The following SHOC2 variants were observed in gnomAD, a reference collection of about 807,000 sequenced individuals.
SHOC2 encodes the protein leucine-rich repeat protein SHOC-2.
Under a neutral mutation model 50.2 loss-of-function variants are expected in SHOC2, and 4 were observed. That is an observed-to-expected ratio of 0.08 (90% CI 0.04 to 0.18). The LOEUF is 0.18. SHOC2 is among the 10% of genes least tolerant of loss of function. The pLI is 1.00. For synonymous variants in SHOC2, 218 were observed against 244.5 expected, an observed-to-expected ratio of 0.89 and a Z score of 1.01; for missense variants, 388 against 669.6, an observed-to-expected ratio of 0.58 and a Z score of 4.64.
At chr10:110,948,059 A>T (rs1847281686) in intron 1 of SHOC2, among the ~76,000 whole-genome samples, 1 of 152,232 alleles carries the variant, frequency 6.6e-6, no homozygotes, top group Admixed American at 6.5e-5. Flanking sequence ...TGGTAACCAG[A>T]AGAGAATGGG....
intron 1 of SHOC2, among the ~76,000 whole-genome samples, chr10:110,940,946 T>G: frequency 1.7e-5 from 1 of 57,932 alleles, no homozygotes; most frequent in Non-Finnish European, 3.4e-5. Context: ...TTTTTTTTTT[T>G]TTGTGACAGG....
chr10:111,006,253 T>C (rs1848464402), intron 5 of SHOC2, among the ~76,000 whole-genome samples: 1 of 152,372 alleles, frequency 6.6e-6, no homozygotes, highest in South Asian at 2.1e-4. Context: ...ATAACAAGTT[T>C]AAATATTACA....
chr10:110,977,222 G>A (rs964293001), intron 2 of SHOC2, among the ~76,000 whole-genome samples: 4 of 151,960 alleles, frequency 2.6e-5, no homozygotes, highest in Non-Finnish European at 5.9e-5. Context: ...TCTCCTGGTT[G>A]TGGGTCATAT....
intron 3 of SHOC2, among the ~76,000 whole-genome samples, chr10:110,993,591 A>G (rs1414450625): frequency 6.6e-6 from 1 of 152,162 alleles, no homozygotes; most frequent in African/African-American, 2.4e-5. Context: ...TAGATCCAAG[A>G]AAGGTGGAGG....
rs375957255 is a variant in SHOC2, at chr10:111,009,766, C to T, written c.1476C>T (p.His492=). 1 of 1,613,294 alleles carries T rather than the reference C, an allele frequency of 6.2e-7. No individual in the cohort carries two copies. The highest frequency in any genetic ancestry group is 8.5e-7 in the Non-Finnish European group (1 of 1,179,508). Residue 492 remains histidine (H), a synonymous_variant, in exon 8 of 9, where the codon CAC becomes CAT. Transcript: ENST00000369452. ...QLTTLPRGIG[H]LTNLTHLGLG... is the part of the protein sequence containing the mutation. ...CCACTCTTCCCAGAGGCATTGGTCACCTTACTAATCTCACACATCTGGGCC... is the reference window on the plus strand; with the variant it reads ...CCACTCTTCCCAGAGGCATTGGTCATCTTACTAATCTCACACATCTGGGCC...
At chr10:110,966,164 G>A (rs1590805678) in intron 2 of SHOC2, among the ~76,000 whole-genome samples, 1 of 151,916 alleles carries the variant, frequency 6.6e-6, no homozygotes, top group East Asian at 1.9e-4. Flanking sequence ...TAAATTTTAG[G>A]TATGACTTGT....
At chr10:110,972,748 A>G (rs1847806841) in intron 2 of SHOC2, among the ~76,000 whole-genome samples, 1 of 152,094 alleles carries the variant, frequency 6.6e-6, no homozygotes, top group Admixed American at 6.6e-5. Flanking sequence ...GAGGTGGGAG[A>G]GTCACCTGAG....
chr10:110,969,263 C>T (rs2134127173), intron 2 of SHOC2, among the ~76,000 whole-genome samples: 1 of 152,264 alleles, frequency 6.6e-6, no homozygotes, highest in Middle Eastern at 3.4e-3. Context: ...CCTTCTTTCT[C>T]CATTTCTAAT....
intron 1 of SHOC2, among the ~76,000 whole-genome samples, chr10:110,956,589 G>A (rs1404363562): frequency 2.0e-5 from 3 of 152,114 alleles, no homozygotes; most frequent in Non-Finnish European, 4.4e-5. Context: ...CCTAAAATAT[G>A]TTGAAATTGT....
intron 5 of SHOC2, among the ~76,000 whole-genome samples, chr10:111,006,886 TTTTTTC>T: frequency 6.6e-6 from 1 of 152,340 alleles, no homozygotes; most frequent in Non-Finnish European, 1.5e-5. Flanking sequence ...GTGGCATACT[TTTTTTC>T]TGTGGACAGC....
chr10:111,004,804 T>C lies in SHOC2; in HGVS notation c.1161+10T>C. 1.9e-6 allele frequency: 3 copies of C among 1,572,310 alleles called. No homozygotes were observed. Among genetic ancestry groups the C allele is most frequent in the Non-Finnish European group, 2.6e-6 (3 of 1,142,690 alleles). On this transcript the variant is annotated intron_variant, in intron 5 of 8. Coordinates refer to ENST00000369452, the MANE Select transcript of SHOC2 (RefSeq NM_007373.4). The stretch of plus-strand genomic sequence containing the variant: ...TAAGCTGAATATGAAGGTAAGCATA[T>C]ATTTGTTTACTAGGGAAAGGAATTG...
At chr10:110,955,363 G>A (rs891605648) in intron 1 of SHOC2, among the ~76,000 whole-genome samples, 1 of 152,198 alleles carries the variant, frequency 6.6e-6, no homozygotes, top group African/African-American at 2.4e-5. Context: ...TAACTCTTAA[G>A]TTTCTTAAGT....
rs777219210 is a variant in SHOC2 at position 110,987,642 on chromosome 10, A to G, written c.841+1877A>G. ...AGAATCAGATTTCTGGTTCAAGATA[A>G]TAAGGACCAAGCACAATTATTTCAT... On this transcript the variant is annotated intron_variant, in intron 3 of 8. Transcript: ENST00000369452. 5.4e-4 allele frequency among the ~76,000 whole-genome samples: 82 copies of G among 152,192 alleles called. 1 individual carries two copies. The highest frequency in any genetic ancestry group is 7.1e-4 in the Non-Finnish European group (48 of 68,026).
At chr10:110,957,485 T>C (rs1847488428) in intron 1 of SHOC2, among the ~76,000 whole-genome samples, 1 of 151,936 alleles carries the variant, frequency 6.6e-6, no homozygotes, top group Non-Finnish European at 1.5e-5. Context: ...TGTGGATAAA[T>C]GTAAATTCTC....
At chr10:110,974,492 A>G (rs1847840088) in intron 2 of SHOC2, among the ~76,000 whole-genome samples, 2 of 152,184 alleles carry the variant, frequency 1.3e-5, no homozygotes, top group South Asian at 4.1e-4. Flanking sequence ...ACCTTTTTCT[A>G]TCTTTTTAAA....
At chr10:110,989,890 C>T (rs894265568) in intron 3 of SHOC2, among the ~76,000 whole-genome samples, 2 of 151,864 alleles carry the variant, frequency 1.3e-5, no homozygotes, top group African/African-American at 4.8e-5. Context: ...GTATAGTGTT[C>T]AGTATAGTAA....
intron 2 of SHOC2, among the ~76,000 whole-genome samples, chr10:110,966,788 A>C (rs1170451742): frequency 6.6e-6 from 1 of 152,176 alleles, no homozygotes; most frequent in Non-Finnish European, 1.5e-5. Flanking sequence ...TGAATTTGTT[A>C]ATGGGCTCCT....
chr10:110,966,181 T>C (rs1411491821), intron 2 of SHOC2, among the ~76,000 whole-genome samples: 1 of 152,134 alleles, frequency 6.6e-6, no homozygotes, highest in Non-Finnish European at 1.5e-5. Context: ...TTGTTACATT[T>C]AACTCTTAAC....
intron 4 of SHOC2, among the ~76,000 whole-genome samples, chr10:111,001,739 G>T (rs557616027): frequency 4.6e-5 from 7 of 152,074 alleles, no homozygotes; most frequent in African/African-American, 1.7e-4. Context: ...TAAGAACAAG[G>T]GTTCTTTAAT....
Sources: gnomAD v4.1 joint callset for allele counts (sites outside exome capture counted in the v4.1 genomes callset) on GRCh38, gnomAD v4.1.1 for gene constraint, MANE v1.5 for transcripts, NCBI Gene and HGNC (gene_info 2026-07-23, HGNC 2026-07-21) for gene names.